URGCP: variants seen among roughly 807,000 people sequenced by gnomAD.
URGCP encodes the protein up-regulator of cell proliferation.
Under a neutral mutation model 24.6 loss-of-function variants are expected in URGCP, and 13 were observed. That is an observed-to-expected ratio of 0.53 (90% confidence interval 0.34 to 0.84). The LOEUF is 0.84. Among genes scored for constraint, URGCP ranks in the 40% least tolerant of loss-of-function variants. The pLI is 0.01. For synonymous variants in URGCP, 444 were observed against 487.2 expected (o/e 0.91, Z 1.17); for missense variants, 899 against 1,194.3 (o/e 0.75, Z 3.64).
chr7:43,886,023 C>T (rs2095861569), intron 3 of URGCP, among the ~76,000 whole-genome samples: 1 of 152,224 alleles, frequency 6.6e-6, no homozygotes, highest in African/African-American at 2.4e-5. Flanking sequence ...CCCATGGTGC[C>T]TACCTTCCAG....
intron 1 of URGCP, 87 bp downstream of exon 1, chr7:43,906,475 A>G (rs2095903219): frequency 1.5e-5 from 17 of 1,104,336 alleles, no homozygotes; most frequent in Non-Finnish European, 1.9e-5. Context: ...ATCCCAGACC[A>G]GAGCCCGCAG....
At chr7:43,892,898 G>A (rs1015414405) in intron 1 of URGCP, among the ~76,000 whole-genome samples, 4 of 152,032 alleles carry the variant, frequency 2.6e-5, no homozygotes, top group African/African-American at 9.7e-5. Flanking sequence ...CACTAGACTC[G>A]GCCTACAAGA....
chr7:43,896,351 G>A (rs1029963828), intron 1 of URGCP, among the ~76,000 whole-genome samples: 4 of 151,878 alleles, frequency 2.6e-5, no homozygotes, highest in Admixed American at 6.6e-5. Flanking sequence ...AGCTACTTAG[G>A]AGGCTGAGGT....
intron 3 of URGCP, among the ~76,000 whole-genome samples, chr7:43,884,766 C>A (rs1385360755): frequency 6.6e-6 from 1 of 152,080 alleles, no homozygotes; most frequent in Non-Finnish European, 1.5e-5. Context: ...GCCAGGAGGT[C>A]AAGGCTGCAG....
intron 1 of URGCP, chr7:43,889,763 T>C (rs1344507345): frequency 1.3e-5 from 2 of 152,252 alleles, no homozygotes; most frequent in African/African-American, 4.8e-5. Flanking sequence ...GGCTGTTTAG[T>C]TTCATCTTCT....
At chr7:43,893,809 T>C (rs1387084506) in intron 1 of URGCP, among the ~76,000 whole-genome samples, 2 of 152,102 alleles carry the variant, frequency 1.3e-5, no homozygotes, top group African/African-American at 4.8e-5. Context: ...AGACGGAGGT[T>C]GCACTAAGCT....
At chr7:43,890,273 G>A (rs928710987) in intron 1 of URGCP, among the ~76,000 whole-genome samples, 3 of 144,612 alleles carry the variant, frequency 2.1e-5, no homozygotes, top group Non-Finnish European at 3.0e-5. Context: ...GGAGTGCAGT[G>A]GCGTGATCTC....
rs557148232 is a variant in URGCP, at chr7:43,918,882, C to G, written c.-116+7250G>C. 14 of 1,407,154 alleles carry G rather than the reference C, an allele frequency of 9.9e-6. No homozygotes were observed. The East Asian group carries it at 2.1e-4, about 21-fold the overall frequency. 87.2% of individuals were successfully genotyped at this position (1,407,154 alleles called of 1,614,324 possible). ...GGCAGACGATGAGCACTACATCCCC[C>G]GGGCTGTGCTGCTGGACCTGGAGCC... On this transcript the variant is annotated intron_variant, in intron 1 of 5. Transcript: ENST00000426198.
intron 1 of URGCP, among the ~76,000 whole-genome samples, chr7:43,922,842 A>T (rs62458685): frequency 0.12 from 17,753 of 152,076 alleles, 1,176 homozygotes; most frequent in Admixed American, 0.18. Context: ...CAGTCACCCA[A>T]ACTGCTGGGA....
At chr7:43,903,453 AT>A (rs997490399) in intron 1 of URGCP, among the ~76,000 whole-genome samples, 1 of 152,218 alleles carries the variant, frequency 6.6e-6, no homozygotes, top group Non-Finnish European at 1.5e-5. Flanking sequence ...TCTTTTTAAG[AT>A]TTTAAGATCG....
chr7:43,906,533 G>C, intron 1 of URGCP, 29 bp downstream of exon 1: 2 of 1,216,176 alleles, frequency 1.6e-6, no homozygotes, highest in Non-Finnish European at 2.1e-6. Context: ...GCAGCCGCGG[G>C]GGCGCAGGGC....
intron 1 of URGCP, among the ~76,000 whole-genome samples, chr7:43,914,182 C>T (rs754054831): frequency 2.6e-5 from 4 of 152,034 alleles, no homozygotes; most frequent in Admixed American, 6.6e-5. Flanking sequence ...TTTGTAGAGA[C>T]GGGTTTTGCC....
At position 43,876,489 on chromosome 7, in the gene URGCP, G is replaced by T; in HGVS notation, c.*178C>A. On this transcript the variant is annotated 3_prime_UTR_variant, in exon 6 of 6. Coordinates refer to ENST00000453200, the MANE Select transcript of URGCP (RefSeq NM_001077663.3). ...GTAACATCTCTGAGCTGGTCTGTGA[G>T]GTCACTTCCTCTTTTAACACTGTTG... The T allele has an allele frequency of 1.5e-6, 1 of 665,478 alleles. No homozygotes were observed. Among genetic ancestry groups the T allele is most frequent in the Non-Finnish European group, 2.6e-6 (1 of 391,400 alleles). The allele number at this position is 665,478 out of a possible 1,614,324, so 41.2% of individuals were successfully genotyped here.
rs1562568756 is a variant in URGCP at position 43,875,926 on chromosome 7, C to G, written c.*741G>C. 1 of 152,440 alleles carries G rather than the reference C, an allele frequency of 6.6e-6. No homozygotes were observed. The highest frequency in any genetic ancestry group is 2.4e-5 in the African/African-American group (1 of 41,454). 9.4% of individuals were successfully genotyped at this position (152,440 alleles called of 1,614,324 possible). A position where few individuals can be genotyped will look rare whatever the true frequency, so the allele number is the denominator to read the frequency against. ...CTTGTGCACTCATTCATTTAACAGA[C>G]ATTTATTAAGCGTCTACAATGTGCC... On this transcript the variant is annotated 3_prime_UTR_variant, in exon 6 of 6. Transcript: ENST00000453200.
In URGCP at chr7:43,877,591, A is replaced by G. The variant is rs374261072; in HGVS notation, c.1872T>C (p.Tyr624=). The change falls in exon 6 of 6, where the codon TAT becomes TAC. Residue 624 remains tyrosine, a synonymous_variant. Coordinates refer to ENST00000453200, the MANE Select transcript of URGCP (RefSeq NM_001077663.3). Reference sequence around the variant, plus strand: ...CCTCCACAAGACAGCTCTCAGCCTCATAAAACTGTCCCATCTCCCGCAAGA... The same window carrying G: ...CCTCCACAAGACAGCTCTCAGCCTCGTAAAACTGTCCCATCTCCCGCAAGA... ...EHFLREMGQF[Y]EAESCLVEAG... is the part of the protein sequence containing the mutation. 7 of 1,614,170 alleles carry G rather than the reference A, an allele frequency of 4.3e-6. No homozygotes were observed. The South Asian group carries it at 4.4e-5, about 10-fold the overall frequency.
In URGCP at chr7:43,882,822, T is replaced by C. The variant is rs529506858; in HGVS notation, c.113-865A>G. Among the ~76,000 whole-genome samples, 13 of 152,316 alleles carry C rather than the reference T, an allele frequency of 8.5e-5. No homozygotes were observed. The East Asian group carries it at 2.5e-3, about 29-fold the overall frequency. On this transcript the variant is annotated intron_variant, in intron 3 of 5. Transcript: ENST00000453200. The stretch of plus-strand genomic sequence containing the variant: ...TTCTAAACTTTGGGAAAATAAAACA[T>C]GAATAACCATAAAACTTACATAGAT...
rs202078996 is a variant in URGCP at position 43,877,333 on chromosome 7, G to A, written c.2130C>T (p.Asn710=). 1 of 1,612,814 alleles carries A rather than the reference G, an allele frequency of 6.2e-7. No individual in the cohort carries two copies. The highest frequency in any genetic ancestry group is 1.3e-5 in the African/African-American group (1 of 75,066). The stretch of plus-strand genomic sequence containing the variant: ...TGGCAAACCGCAGCCCAAACATGGT[G>A]TTGAGGAGTGTGGACTTGCCCGTGC... The part of the protein sequence containing the change: ...VPGTGKSTLL[N]TMFGLRFATG... The change falls in exon 6 of 6, where the codon AAC becomes AAT. Residue 710 remains asparagine (N), a synonymous_variant. Coordinates refer to ENST00000453200, the MANE Select transcript of URGCP (RefSeq NM_001077663.3).
In URGCP at chr7:43,919,004, C is replaced by T. The variant is rs11538912; in HGVS notation, c.-116+7128G>A. 222 of 1,214,254 alleles carry T rather than the reference C, an allele frequency of 1.8e-4. No homozygotes were observed. The African/African-American group carries it at 3.0e-3, about 16-fold the overall frequency. The allele number at this position is 1,214,254 out of a possible 1,614,324, so 75.2% of individuals were successfully genotyped here. ...AGCATGGGGGAAGAGCTGGCAACAA[C>T]TGGGCCAGCAGATTCTCCCAGAGGG... On this transcript the variant is annotated intron_variant, in intron 1 of 5. Coordinates refer to the URGCP transcript ENST00000426198.
chr7:43,912,018 A>C (rs2095910623), intron 1 of URGCP, among the ~76,000 whole-genome samples: 1 of 152,186 alleles, frequency 6.6e-6, no homozygotes, highest in Non-Finnish European at 1.5e-5. Context: ...CTTGAAAAAA[A>C]ATAAAATATA....
Sources: gnomAD v4.1 joint callset for allele counts (sites outside exome capture counted in the v4.1 genomes callset) on GRCh38, gnomAD v4.1.1 for gene constraint, MANE v1.5 for transcripts, NCBI Gene and HGNC (gene_info 2026-07-23, HGNC 2026-07-21) for gene names.